ADAMTS6: variants seen among roughly 807,000 people sequenced by gnomAD.
ADAMTS6 encodes ADAM metallopeptidase with thrombospondin type 1 motif 6.
In ADAMTS6, 23 loss-of-function variants were observed where a neutral mutation model predicts 144.3. That is an observed-to-expected ratio of 0.16 (90% confidence interval 0.11 to 0.23). The LOEUF is 0.23. Among genes scored for constraint, ADAMTS6 ranks in the 10% least tolerant of loss-of-function variants. ADAMTS6 has a pLI of 1.00. For synonymous variants in ADAMTS6, 444 were observed against 457.5 expected, an observed-to-expected ratio of 0.97 and a Z score of 0.38; for missense variants, 999 against 1,379.6, an observed-to-expected ratio of 0.72 and a Z score of 4.37.
intron 12 of ADAMTS6, among the ~76,000 whole-genome samples, chr5:65,265,158 A>G (rs1276891736): frequency 1.3e-5 from 2 of 152,072 alleles, no homozygotes; most frequent in Non-Finnish European, 2.9e-5. Flanking sequence ...ATCTGACCCT[A>G]AGTCTGATAT....
chr5:65,188,838 C>G (rs1245480019), intron 21 of ADAMTS6, among the ~76,000 whole-genome samples: 1 of 152,168 alleles, frequency 6.6e-6, no homozygotes, highest in East Asian at 1.9e-4. Context: ...TTATTATTAT[C>G]ACATTGAGGC....
At chr5:65,237,011 G>A (rs568905897) in intron 15 of ADAMTS6, among the ~76,000 whole-genome samples, 3 of 151,804 alleles carry the variant, frequency 2.0e-5, no homozygotes, top group African/African-American at 7.2e-5. Context: ...AATATTAAAC[G>A]GCATAACAAG....
intron 7 of ADAMTS6, chr5:65,415,764 T>C: frequency 4.0e-6 from 1 of 247,750 alleles, no homozygotes; most frequent in Non-Finnish European, 7.9e-6. Context: ...GTCTGGGTGC[T>C]AAGTGCTCCA....
chr5:65,220,367 A>C (rs1757233237), intron 18 of ADAMTS6, among the ~76,000 whole-genome samples: 1 of 152,234 alleles, frequency 6.6e-6, no homozygotes, highest in African/African-American at 2.4e-5. Context: ...ATTTTTAATC[A>C]GTAATTTAAG....
Position 65,214,778 on chromosome 5 carries a change from C to A in ADAMTS6, c.2575+16G>T. 2 of 1,614,034 alleles carry A rather than the reference C, an allele frequency of 1.2e-6. No individual in the cohort carries two copies. The highest frequency in any genetic ancestry group is 1.7e-6 in the Non-Finnish European group (2 of 1,179,988). On this transcript the variant is annotated intron_variant, in intron 20 of 24. Transcript: ENST00000381055. The surrounding 1 kb of genome is among the most constrained non-coding windows in gnomAD (Gnocchi z 4.6). ...CCATCTTGCCCTCTGGGTGGGCTGC[C>A]TAGTGGGCATCTTACCTCCAGCACA...
At chr5:65,265,011 T>C (rs1761498157) in intron 12 of ADAMTS6, among the ~76,000 whole-genome samples, 1 of 152,068 alleles carries the variant, frequency 6.6e-6, no homozygotes. Flanking sequence ...TCCTAGTAGA[T>C]GGTACCAAAT....
chr5:65,293,213 T>C lies in ADAMTS6; in HGVS notation c.1371-1743A>G, dbSNP rs1387963040. On this transcript the variant is annotated intron_variant, in intron 10 of 24. Coordinates refer to ENST00000381055, the MANE Select transcript of ADAMTS6 (RefSeq NM_197941.4). ...AATTCCCCAATTTTCTTCTAAAATA[T>C]CTGTTTCATTTCTACTGACAATAAA... Among the ~76,000 whole-genome samples the C allele has an allele frequency of 2.6e-5, 4 of 152,196 alleles. No homozygotes were observed. In the East Asian group the frequency reaches 7.7e-4, roughly 29 times the overall value.
intron 12 of ADAMTS6, among the ~76,000 whole-genome samples, chr5:65,268,450 AG>A (rs1306376688): frequency 3.3e-5 from 5 of 152,164 alleles, no homozygotes; most frequent in Admixed American, 6.5e-5. Context: ...TCCTGTCCAA[AG>A]GGCTATTGCT....
chr5:65,460,459 T>TA (rs2150265063), intron 3 of ADAMTS6, 121 bp from the exon 4 acceptor site: 1 of 882,850 alleles, frequency 1.1e-6, no homozygotes, highest in East Asian at 2.7e-5. Context: ...AACACGTTAA[T>TA]AAAAAAATTA....
intron 13 of ADAMTS6, 136 bp downstream of exon 13, chr5:65,262,681 T>C: frequency 2.0e-6 from 2 of 994,396 alleles, no homozygotes; most frequent in East Asian, 3.2e-5. Context: ...TCCACTTTCC[T>C]GTGCCTATGG....
intron 9 of ADAMTS6, among the ~76,000 whole-genome samples, chr5:65,309,418 T>C (rs1424746855): frequency 7.8e-6 from 1 of 127,642 alleles, no homozygotes; most frequent in Non-Finnish European, 1.5e-5. Context: ...CCTGTTGATC[T>C]GACAGGAGGT....
chr5:65,223,162 G>A (rs1432738030), intron 18 of ADAMTS6, among the ~76,000 whole-genome samples: 5 of 151,990 alleles, frequency 3.3e-5, no homozygotes, highest in Non-Finnish European at 5.9e-5. Flanking sequence ...CATCCATTTT[G>A]GGAAATATTT....
intron 21 of ADAMTS6, among the ~76,000 whole-genome samples, chr5:65,196,023 T>C (rs1473597915): frequency 3.3e-5 from 5 of 152,202 alleles, no homozygotes; most frequent in Non-Finnish European, 7.4e-5. Flanking sequence ...GCAGGTCTCA[T>C]TTAAAACCAT....
chr5:65,185,274 A>G (rs577662026), intron 22 of ADAMTS6, among the ~76,000 whole-genome samples: 30 of 152,282 alleles, frequency 2.0e-4, no homozygotes, highest in African/African-American at 6.7e-4. Context: ...CTGCCTGGTA[A>G]ACTAAGGTAA....
At chr5:65,184,569 C>A (rs757433049) in intron 22 of ADAMTS6, among the ~76,000 whole-genome samples, 10 of 152,160 alleles carry the variant, frequency 6.6e-5, no homozygotes, top group Non-Finnish European at 5.9e-5. Flanking sequence ...CTATAGGAGT[C>A]AAATAAACCA....
At chr5:65,402,308 C>G (rs1293055927) in intron 7 of ADAMTS6, among the ~76,000 whole-genome samples, 3 of 152,068 alleles carry the variant, frequency 2.0e-5, no homozygotes, top group Non-Finnish European at 2.9e-5. Flanking sequence ...AAATCTCTAC[C>G]TATCCTGCAC....
intron 7 of ADAMTS6, among the ~76,000 whole-genome samples, chr5:65,339,883 A>G (rs1401908517): frequency 6.6e-6 from 1 of 152,116 alleles, no homozygotes; most frequent in Non-Finnish European, 1.5e-5. Context: ...TAAGTTAACA[A>G]AAGTTTGTAT....
At chr5:65,351,628 G>A (rs1215209317) in intron 7 of ADAMTS6, among the ~76,000 whole-genome samples, 1 of 151,986 alleles carries the variant, frequency 6.6e-6, no homozygotes, top group Non-Finnish European at 1.5e-5. Flanking sequence ...AAGAAAATTA[G>A]CCAGGCACAG....
At chr5:65,370,365 G>C (rs1003679123) in intron 7 of ADAMTS6, among the ~76,000 whole-genome samples, 1 of 152,172 alleles carries the variant, frequency 6.6e-6, no homozygotes, top group Non-Finnish European at 1.5e-5. Context: ...CTGAGGTACC[G>C]GGTTCATCTC....
Sources: gnomAD v4.1 joint callset for allele counts (sites outside exome capture counted in the v4.1 genomes callset) on GRCh38, gnomAD v4.1.1 for gene constraint, Gnocchi (gnomAD v3.1) non-coding constraint, MANE v1.5 for transcripts, NCBI Gene and HGNC (gene_info 2026-07-23, HGNC 2026-07-21) for gene names.